The following SERTM1 variants were observed in gnomAD, a reference collection of about 807,000 sequenced individuals.
The protein encoded by SERTM1 is serine rich and transmembrane domain containing 1, also known as serine-rich and transmembrane domain-containing protein 1.
SERTM1 carries 1 observed loss-of-function variant against 5.5 expected under a neutral mutation model. That is an observed-to-expected ratio of 0.18 (90% CI 0.06 to 0.86). The LOEUF (loss-of-function observed/expected upper bound fraction) is 0.86, where lower values mean the gene tolerates loss of function less well. SERTM1 is among the 40% of genes least tolerant of loss of function. The pLI, the probability that SERTM1 is intolerant of heterozygous loss-of-function variation, is 0.69. For missense variants in SERTM1, 91 were observed against 122.4 expected, an observed-to-expected ratio of 0.74 and a Z score of 1.21; for synonymous variants, 52 against 55.1, an observed-to-expected ratio of 0.94 and a Z score of 0.25.
At chr13:36,683,567 G>A (rs1442307019) in intron 1 of SERTM1, among the ~76,000 whole-genome samples, 2 of 152,110 alleles carry the variant, frequency 1.3e-5, no homozygotes, top group African/African-American at 4.8e-5. Flanking sequence ...AGTGTCAATG[G>A]GGCCAGCAAG....
chr13:36,692,411 G>A (rs1244237413), intron 1 of SERTM1, among the ~76,000 whole-genome samples: 2 of 152,234 alleles, frequency 1.3e-5, no homozygotes, highest in Non-Finnish European at 2.9e-5. Flanking sequence ...GCTGATACCA[G>A]AGTGACATTG....
chr13:36,692,972 A>G (rs1242613205), intron 1 of SERTM1, among the ~76,000 whole-genome samples: 1 of 152,228 alleles, frequency 6.6e-6, no homozygotes, highest in Non-Finnish European at 1.5e-5. Context: ...TGAGGAACAC[A>G]CAAGATGCAT....
chr13:36,690,170 T>G (rs934860535), intron 1 of SERTM1, among the ~76,000 whole-genome samples: 6 of 152,230 alleles, frequency 3.9e-5, no homozygotes, highest in African/African-American at 1.4e-4. Context: ...CCCACCTTTC[T>G]TCGCATAACA....
At chr13:36,692,370 G>T (rs1269349513) in intron 1 of SERTM1, among the ~76,000 whole-genome samples, 1 of 152,198 alleles carries the variant, frequency 6.6e-6, no homozygotes, top group East Asian at 1.9e-4. Context: ...AAGAGGTCTG[G>T]TAGCCAGCTG....
At chr13:36,676,151 T>C (rs1199342511) in intron 1 of SERTM1, among the ~76,000 whole-genome samples, 1 of 152,176 alleles carries the variant, frequency 6.6e-6, no homozygotes, top group Non-Finnish European at 1.5e-5. Context: ...GCAGGTTTCC[T>C]GGGTTTCTTT....
chr13:36,687,017 C>T (rs1241079693), intron 1 of SERTM1, among the ~76,000 whole-genome samples: 1 of 152,136 alleles, frequency 6.6e-6, no homozygotes, highest in Admixed American at 6.6e-5. Flanking sequence ...CATACTTTGA[C>T]TGTCAGCCAC....
At position 36,697,312 on chromosome 13, in the gene SERTM1, A is replaced by AATATATATATATATATATATATATAT. The variant is rs57478418; in HGVS notation, c.*1935_*1936insTATATATATATATATATATATATATA. ...ATACGCACACACACACACACACATAAATATATATATATATATATATATATA... is the reference window on the plus strand; with the variant it reads ...ATACGCACACACACACACACACATAAATATATATATATATATATATATATATATATATATATATATATATATATATA... On this transcript the variant is annotated 3_prime_UTR_variant, in exon 2 of 2. Coordinates refer to ENST00000315190, the MANE Select transcript of SERTM1 (RefSeq NM_203451.3). The AATATATATATATATATATATATATAT allele has an allele frequency of 1.0e-3, 147 of 143,746 alleles. 2 individuals are homozygous for AATATATATATATATATATATATATAT. Among genetic ancestry groups the AATATATATATATATATATATATATAT allele is most frequent in the African/African-American group, 3.9e-3 (141 of 36,136 alleles). 8.9% of individuals were successfully genotyped at this position (143,746 alleles called of 1,614,324 possible).
chr13:36,693,262 A>G (rs1426245380), intron 1 of SERTM1, among the ~76,000 whole-genome samples: 6 of 152,160 alleles, frequency 3.9e-5, no homozygotes, highest in Non-Finnish European at 5.9e-5. Context: ...TTTCTTTTCT[A>G]TGCTACCTCT....
chr13:36,690,101 T>C (rs1422911009), intron 1 of SERTM1, among the ~76,000 whole-genome samples: 1 of 152,214 alleles, frequency 6.6e-6, no homozygotes, highest in African/African-American at 2.4e-5. Context: ...ATTAAAAAGA[T>C]TGTTCATTTT....
chr13:36,689,634 A>T (rs1593398731), intron 1 of SERTM1, among the ~76,000 whole-genome samples: 1 of 150,808 alleles, frequency 6.6e-6, no homozygotes, highest in Non-Finnish European at 1.5e-5. Context: ...GTAGATGCTC[A>T]AAACAATTAA....
intron 1 of SERTM1, among the ~76,000 whole-genome samples, chr13:36,684,635 C>A (rs2138089566): frequency 6.6e-6 from 1 of 152,060 alleles, no homozygotes; most frequent in Admixed American, 6.6e-5. Context: ...CTGTACCTCT[C>A]ATCATTCTTC....
chr13:36,690,796 G>A (rs989044332), intron 1 of SERTM1, among the ~76,000 whole-genome samples: 1 of 152,026 alleles, frequency 6.6e-6, no homozygotes, highest in Admixed American at 6.5e-5. Flanking sequence ...ACTGGAAAAA[G>A]CTTTTTATTA....
Position 36,695,632 on chromosome 13 carries a change from G to C in SERTM1, c.*230G>C, listed in dbSNP as rs1170544077. On this transcript the variant is annotated 3_prime_UTR_variant, in exon 2 of 2. Coordinates refer to ENST00000315190, the MANE Select transcript of SERTM1 (RefSeq NM_203451.3). ...CAAGGTGCAGAATTTCACACAAATGGCTTGATGAATCTAGACTGGGCTTCT... is the reference window on the plus strand; with the variant it reads ...CAAGGTGCAGAATTTCACACAAATGCCTTGATGAATCTAGACTGGGCTTCT... 3.5e-6 allele frequency: 2 copies of C among 579,154 alleles called. No individual in the cohort carries two copies. Among genetic ancestry groups the C allele is most frequent in the African/African-American group, 3.8e-5 (2 of 53,086 alleles). 35.9% of individuals were successfully genotyped at this position (579,154 alleles called of 1,614,324 possible). A position where few individuals can be genotyped will look rare whatever the true frequency, so the allele number is the denominator to read the frequency against.
At position 36,697,312 on chromosome 13, in the gene SERTM1, A is replaced by ATATATATATATAT. The variant is rs2056822145; in HGVS notation, c.*1910_*1911insTATATATATATAT. On this transcript the variant is annotated 3_prime_UTR_variant, in exon 2 of 2. Coordinates refer to ENST00000315190, the MANE Select transcript of SERTM1 (RefSeq NM_203451.3). ...ATACGCACACACACACACACACATAAATATATATATATATATATATATATA... is the reference window on the plus strand; with the variant it reads ...ATACGCACACACACACACACACATAATATATATATATATATATATATATATATATATATATATA... 20 of 143,822 alleles carry ATATATATATATAT rather than the reference A, an allele frequency of 1.4e-4. No homozygotes were observed. Among genetic ancestry groups the ATATATATATATAT allele is most frequent in the African/African-American group, 5.0e-4 (18 of 36,206 alleles). The allele number at this position is 143,822 out of a possible 1,614,324, so 8.9% of individuals were successfully genotyped here.
At chr13:36,683,743 A>G (rs555767828) in intron 1 of SERTM1, among the ~76,000 whole-genome samples, 1 of 152,290 alleles carries the variant, frequency 6.6e-6, no homozygotes, top group East Asian at 1.9e-4. Flanking sequence ...CATACATTTC[A>G]TTGGTCAAAA....
intron 1 of SERTM1, among the ~76,000 whole-genome samples, chr13:36,692,669 G>C (rs2056786719): frequency 6.6e-6 from 1 of 152,212 alleles, no homozygotes; most frequent in Non-Finnish European, 1.5e-5. Flanking sequence ...ACCTTCTGGA[G>C]AAGTAGGAAA....
At chr13:36,682,977 T>C (rs1312457683) in intron 1 of SERTM1, among the ~76,000 whole-genome samples, 1 of 152,132 alleles carries the variant, frequency 6.6e-6, no homozygotes. Context: ...CTCACTGCAA[T>C]CTCTGCCTCC....
chr13:36,693,397 T>C (rs1256940116), intron 1 of SERTM1, among the ~76,000 whole-genome samples: 3 of 151,370 alleles, frequency 2.0e-5, no homozygotes, highest in Admixed American at 1.3e-4. Context: ...TCTTCTTCTT[T>C]TTTTTTTTTT....
At chr13:36,686,570 A>G (rs585839) in intron 1 of SERTM1, among the ~76,000 whole-genome samples, 43,652 of 152,076 alleles carry the variant, frequency 0.29, 6,301 homozygotes, top group East Asian at 0.37. Flanking sequence ...GTAAGTGTGC[A>G]TACTTTTTTT....
Sources: gnomAD v4.1 joint callset for allele counts (sites outside exome capture counted in the v4.1 genomes callset) on GRCh38, gnomAD v4.1.1 for gene constraint, MANE v1.5 for transcripts, NCBI Gene and HGNC (gene_info 2026-07-23, HGNC 2026-07-21) for gene names.